Variants in CSMD1 observed in about 807,000 individuals in gnomAD.
CSMD1 encodes the protein CUB and sushi domain-containing protein 1.
Under a neutral mutation model 417.5 loss-of-function variants are expected in CSMD1, and 213 were observed. That is an observed-to-expected ratio of 0.51 (90% CI 0.46 to 0.57). CSMD1 has a LOEUF of 0.57. Ranked by LOEUF, CSMD1 falls within the 20% of genes least tolerant of loss-of-function variation. CSMD1 has a pLI of 0.00. For missense variants in CSMD1, 6,923 were observed against 4,529.7 expected (o/e 1.53, Z -15.17); for synonymous variants, 2,862 against 1,736.8 (o/e 1.65, Z -16.11).
intron 11 of CSMD1, among the ~76,000 whole-genome samples, chr8:3,485,067 T>C (rs949303421): frequency 1.3e-5 from 2 of 152,182 alleles, no homozygotes; most frequent in African/African-American, 4.8e-5. Context: ...CTAAGTAATT[T>C]CCAAGAGAAA....
At chr8:3,803,057 AGTG>A (rs1223974233) in intron 5 of CSMD1, among the ~76,000 whole-genome samples, 1 of 152,206 alleles carries the variant, frequency 6.6e-6, no homozygotes, top group Non-Finnish European at 1.5e-5. Context: ...AGATGAATAA[AGTG>A]GTGGCAACAG....
intron 26 of CSMD1, among the ~76,000 whole-genome samples, chr8:3,257,339 A>C (rs1002588699): frequency 6.6e-6 from 1 of 152,158 alleles, no homozygotes; most frequent in Non-Finnish European, 1.5e-5. Context: ...CAAACAGAAA[A>C]CTTCTGAGTG....
chr8:4,762,642 C>G (rs1202249761), intron 1 of CSMD1, among the ~76,000 whole-genome samples: 1 of 152,114 alleles, frequency 6.6e-6, no homozygotes, highest in Non-Finnish European at 1.5e-5. Context: ...GACGCAGCGT[C>G]TCCACCTCTG....
intron 5 of CSMD1, among the ~76,000 whole-genome samples, chr8:3,915,350 G>A (rs180874803): frequency 1.4e-5 from 2 of 144,242 alleles, no homozygotes; most frequent in Non-Finnish European, 3.0e-5. Flanking sequence ...AAGTTGCAGT[G>A]AGCTTAGATA....
chr8:4,128,614 G>T (rs767473273), intron 3 of CSMD1, among the ~76,000 whole-genome samples: 1 of 152,100 alleles, frequency 6.6e-6, no homozygotes, highest in African/African-American at 2.4e-5. Flanking sequence ...CAAAGCCCAT[G>T]CTTGCTTTTT....
At chr8:3,753,887 A>T (rs1250411243) in intron 6 of CSMD1, 43 bp downstream of exon 6, 2 of 1,349,420 alleles carry the variant, frequency 1.5e-6, no homozygotes, top group East Asian at 2.3e-5. Flanking sequence ...AAAATATATT[A>T]CGCTCTGTTT....
intron 5 of CSMD1, among the ~76,000 whole-genome samples, chr8:3,844,290 G>A (rs190653593): frequency 2.2e-4 from 34 of 152,210 alleles, no homozygotes; most frequent in African/African-American, 6.7e-4. Flanking sequence ...AGTGAGTCAA[G>A]GAAAATTAAT....
chr8:3,015,173 G>C (rs1385959742), intron 52 of CSMD1, among the ~76,000 whole-genome samples: 2 of 151,434 alleles, frequency 1.3e-5, no homozygotes, highest in Non-Finnish European at 2.9e-5. Context: ...CTTGTTTCAA[G>C]CATAACTGAG....
Position 4,749,792 on chromosome 8 carries a change from G to A in CSMD1, c.86-112234C>T, listed in dbSNP as rs575989857. ...CATTAAAATGTGTAAGTCTGGGCCTGTATGACACATTGTTTAAACCATAAG... is the reference window on the plus strand; with the variant it reads ...CATTAAAATGTGTAAGTCTGGGCCTATATGACACATTGTTTAAACCATAAG... On this transcript the variant is annotated intron_variant, in intron 1 of 69. Coordinates refer to ENST00000635120, the MANE Select transcript of CSMD1 (RefSeq NM_033225.6). 1.8e-4 allele frequency among the ~76,000 whole-genome samples: 27 copies of A among 152,176 alleles called. No homozygotes were observed. The East Asian group carries it at 4.2e-3, about 24-fold the overall frequency.
chr8:3,278,690 A>G (rs1802498384), intron 26 of CSMD1: 1 of 152,150 alleles, frequency 6.6e-6, no homozygotes, highest in Admixed American at 6.5e-5. Flanking sequence ...AAGACAAAAA[A>G]ATGAGAGATT....
chr8:2,937,150 G>A lies in CSMD1; in HGVS notation c.*1435C>T, dbSNP rs879494297. The A allele has an allele frequency of 3.9e-5, 6 of 151,998 alleles. No homozygotes were observed. Among genetic ancestry groups the A allele is most frequent in the Admixed American group, 3.9e-4 (6 of 15,240 alleles). The allele number at this position is 151,998 out of a possible 1,614,324, so 9.4% of individuals were successfully genotyped here. A position where few individuals can be genotyped will look rare whatever the true frequency, so the allele number is the denominator to read the frequency against. On this transcript the variant is annotated 3_prime_UTR_variant, in exon 70 of 70. Transcript: ENST00000635120. The stretch of plus-strand genomic sequence containing the variant: ...ATGTTTTGATTTTTATTTGCCCTGG[G>A]GATCTTATAGATTTTATTTGCATCA...
At chr8:3,157,093 T>A (rs1465306343) in intron 39 of CSMD1, among the ~76,000 whole-genome samples, 2 of 151,838 alleles carry the variant, frequency 1.3e-5, no homozygotes, top group Non-Finnish European at 2.9e-5. Context: ...CTTTGTGGGT[T>A]GCGGGTAAGG....
At chr8:4,269,185 T>C (rs919985284) in intron 3 of CSMD1, among the ~76,000 whole-genome samples, 1 of 152,098 alleles carries the variant, frequency 6.6e-6, no homozygotes, top group Non-Finnish European at 1.5e-5. Flanking sequence ...GCCCTCCTAG[T>C]AGCTGGGACT....
intron 29 of CSMD1, among the ~76,000 whole-genome samples, chr8:3,217,322 A>T (rs923971990): frequency 1.3e-5 from 2 of 152,258 alleles, no homozygotes; most frequent in African/African-American, 4.8e-5. Context: ...GCCTCCAGTT[A>T]GATGGCCATA....
intron 20 of CSMD1, among the ~76,000 whole-genome samples, chr8:3,363,233 T>A (rs1312808343): frequency 6.6e-6 from 1 of 152,118 alleles, no homozygotes; most frequent in Non-Finnish European, 1.5e-5. Flanking sequence ...AATTAAAGAA[T>A]GAGCGTACTC....
intron 46 of CSMD1, among the ~76,000 whole-genome samples, 167 bp downstream of exon 46, chr8:3,106,361 G>A (rs1011099475): frequency 2.0e-5 from 3 of 152,088 alleles, no homozygotes; most frequent in South Asian, 2.1e-4. Flanking sequence ...TTGCACCACT[G>A]TACTCCCACC....
intron 2 of CSMD1, among the ~76,000 whole-genome samples, chr8:4,602,147 G>C (rs1465995364): frequency 6.6e-6 from 1 of 152,118 alleles, no homozygotes; most frequent in African/African-American, 2.4e-5. Context: ...GTTCCCTAAG[G>C]TGAACTGGCT....
chr8:3,252,889 C>A (rs1382681672), intron 26 of CSMD1, among the ~76,000 whole-genome samples: 3 of 152,104 alleles, frequency 2.0e-5, no homozygotes, highest in Non-Finnish European at 4.4e-5. Context: ...GTTTGTATTT[C>A]TGTGGGATCG....
At chr8:3,819,895 C>T (rs548837873) in intron 5 of CSMD1, among the ~76,000 whole-genome samples, 1 of 152,136 alleles carries the variant, frequency 6.6e-6, no homozygotes, top group Non-Finnish European at 1.5e-5. Flanking sequence ...ATCCAGAGTG[C>T]TATAATAGAG....
Sources: gnomAD v4.1 joint callset for allele counts (sites outside exome capture counted in the v4.1 genomes callset) on GRCh38, gnomAD v4.1.1 for gene constraint, MANE v1.5 for transcripts, NCBI Gene and HGNC (gene_info 2026-07-23, HGNC 2026-07-21) for gene names.